Variants in ASNS observed in about 807,000 individuals in gnomAD.
ASNS encodes asparagine synthetase (glutamine-hydrolyzing), also known as asparagine synthetase [glutamine-hydrolyzing].
ASNS carries 37 observed loss-of-function variants against 62.6 expected under a neutral mutation model. The observed-to-expected ratio is 0.59, with a 90% CI of 0.45 to 0.78. The LOEUF is 0.78. Among genes scored for constraint, ASNS ranks in the 30% least tolerant of loss-of-function variants. ASNS has a pLI of 0.00. For missense variants in ASNS, 520 were observed against 682.4 expected (o/e 0.76, Z 2.65); for synonymous variants, 207 against 237.9 (o/e 0.87, Z 1.19).
the ASNS span, among the ~76,000 whole-genome samples, chr7:97,883,364 G>A: frequency 6.6e-6 from 1 of 152,082 alleles, no homozygotes; most frequent in Non-Finnish European, 1.5e-5. Flanking sequence ...ACCTTAGGCT[G>A]GAGGGCCCAC....
chr7:97,871,173 T>A (rs1311678328), intron 1 of ASNS, among the ~76,000 whole-genome samples: 1 of 152,224 alleles, frequency 6.6e-6, no homozygotes, highest in African/African-American at 2.4e-5. Flanking sequence ...TTAACATATA[T>A]GTAATCAATA....
At chr7:97,904,313 CACACAGAG>C in the ASNS span, among the ~76,000 whole-genome samples, 11 of 146,062 alleles carry the variant, frequency 7.5e-5, no homozygotes, top group Admixed American at 2.1e-4. Flanking sequence ...CACACACACA[CACACAGAG>C]AGAGAGAAAT....
chr7:97,923,811 C>T, the ASNS span, among the ~76,000 whole-genome samples: 17 of 152,200 alleles, frequency 1.1e-4, no homozygotes, highest in Non-Finnish European at 1.9e-4. Context: ...GTCCGTCAGT[C>T]CTTTGGAACA....
chr7:97,853,465 ATCAAT>A, intron 10 of ASNS, 79 bp from the exon 11 acceptor site: 1 of 1,222,820 alleles, frequency 8.2e-7, no homozygotes, highest in Non-Finnish European at 1.2e-6. Flanking sequence ...TCAGTTTCCC[ATCAAT>A]TCAACCAGAT....
chr7:97,861,380 A>G (rs1213093329), intron 4 of ASNS, among the ~76,000 whole-genome samples: 1 of 152,200 alleles, frequency 6.6e-6, no homozygotes, highest in African/African-American at 2.4e-5. Flanking sequence ...CAAGTTTTGC[A>G]TATGGTTACA....
At chr7:97,884,865 C>T in the ASNS span, among the ~76,000 whole-genome samples, 1 of 152,294 alleles carries the variant, frequency 6.6e-6, no homozygotes, top group Non-Finnish European at 1.5e-5. Context: ...ACGCTGTATC[C>T]ATGAGCAGTT....
chr7:97,868,946 A>G lies in ASNS; in HGVS notation c.211T>C (p.Trp71Arg), dbSNP rs762669786. 6.2e-7 allele frequency: 1 copy of G among 1,614,106 alleles called. No homozygotes were observed. Among genetic ancestry groups the G allele is most frequent in the African/African-American group, 1.3e-5 (1 of 74,944 alleles). ...TAGATTTCACCATTGTAACAGAGCC[A>G]CAAATACGGATATTTCTTCACTCGA... ...PIRVKKYPYL[W>R]LCYNGEIYNH... Residue 71 changes from tryptophan to arginine, a missense_variant, in exon 3 of 13, where the codon TGG becomes CGG. Trp to Arg is a moderately radical substitution (Grantham distance 101). Coordinates refer to ENST00000394308, the MANE Select transcript of ASNS (RefSeq NM_001673.5).
chr7:97,882,452 G>T, the ASNS span, among the ~76,000 whole-genome samples: 1 of 152,034 alleles, frequency 6.6e-6, no homozygotes, highest in African/African-American at 2.4e-5. Context: ...GGAGGCTGAG[G>T]CAGGAGAATC....
intron 1 of ASNS, among the ~76,000 whole-genome samples, chr7:97,871,353 T>C (rs1206118782): frequency 1.3e-5 from 2 of 152,196 alleles, no homozygotes; most frequent in Non-Finnish European, 2.9e-5. Context: ...GTGCATTTAA[T>C]TTCTATTCCA....
the ASNS span, among the ~76,000 whole-genome samples, chr7:97,893,807 T>C: frequency 1.3e-5 from 2 of 152,226 alleles, no homozygotes; most frequent in Non-Finnish European, 2.9e-5. Context: ...CTCTCAGCAT[T>C]GGACAGTTCA....
At chr7:97,915,517 G>A in the ASNS span, among the ~76,000 whole-genome samples, 2 of 152,212 alleles carry the variant, frequency 1.3e-5, no homozygotes, top group Non-Finnish European at 2.9e-5. Context: ...AGTCTTGAAG[G>A]GGAAGGATGA....
At chr7:97,883,370 C>T in the ASNS span, among the ~76,000 whole-genome samples, 5 of 152,208 alleles carry the variant, frequency 3.3e-5, no homozygotes, top group South Asian at 4.2e-4. Context: ...GGCTGGAGGG[C>T]CCACTTGGGT....
intron 3 of ASNS, among the ~76,000 whole-genome samples, chr7:97,865,337 A>G (rs940620673): frequency 4.0e-5 from 6 of 151,688 alleles, no homozygotes; most frequent in Non-Finnish European, 5.9e-5. Flanking sequence ...TATACACTGT[A>G]TTTTTTTTTC....
the ASNS span, among the ~76,000 whole-genome samples, chr7:97,917,460 C>T: frequency 1.3e-5 from 2 of 152,190 alleles, no homozygotes; most frequent in Admixed American, 6.5e-5. Context: ...AACAGAGGGT[C>T]ACCTGGCATC....
chr7:97,909,348 G>T, the ASNS span, among the ~76,000 whole-genome samples: 1 of 128,032 alleles, frequency 7.8e-6, no homozygotes, highest in East Asian at 2.3e-4. Flanking sequence ...CTGTCACCCA[G>T]GCTGGAATGC....
intron 9 of ASNS, 138 bp from the exon 10 acceptor site, chr7:97,854,818 G>A (rs1791359109): frequency 1.4e-6 from 2 of 1,480,532 alleles, no homozygotes; most frequent in Non-Finnish European, 9.1e-7. Flanking sequence ...CTGAACAGAG[G>A]TAAGCAATGC....
chr7:97,912,715 T>C, the ASNS span, among the ~76,000 whole-genome samples: 694 of 151,964 alleles, frequency 4.6e-3, 6 homozygotes, highest in African/African-American at 0.016. Flanking sequence ...CCTGAGTAGC[T>C]GGGACTACAG....
In ASNS at chr7:97,858,138, T is replaced by G. The variant is rs1791543750; in HGVS notation, c.903+140A>C. The G allele has an allele frequency of 1.1e-5, 13 of 1,162,424 alleles. No individual in the cohort carries two copies. The South Asian group carries it at 1.9e-4, about 17-fold the overall frequency. The allele number at this position is 1,162,424 out of a possible 1,614,324, so 72.0% of individuals were successfully genotyped here. On this transcript the variant is annotated intron_variant, in intron 7 of 12. Transcript: ENST00000394308. The stretch of plus-strand genomic sequence containing the variant: ...AGTGCATATCCAACAGCCATTTCAT[T>G]CTATTTTAATACAATCAATTTAAAA...
the ASNS span, among the ~76,000 whole-genome samples, chr7:97,924,551 G>C: frequency 6.6e-6 from 1 of 152,196 alleles, no homozygotes; most frequent in African/African-American, 2.4e-5. Context: ...CCCTGTCTCG[G>C]ACAGCCAGCT....
Sources: gnomAD v4.1 joint callset for allele counts (sites outside exome capture counted in the v4.1 genomes callset) on GRCh38, gnomAD v4.1.1 for gene constraint, MANE v1.5 for transcripts, NCBI Gene and HGNC (gene_info 2026-07-23, HGNC 2026-07-21) for gene names.